The following EYA3 variants were observed in gnomAD, a reference collection of about 807,000 sequenced individuals.
EYA3 encodes the protein EYA transcriptional coactivator and phosphatase 3.
EYA3 carries 39 observed loss-of-function variants against 80.0 expected under a neutral mutation model. The observed-to-expected ratio is 0.49, with a 90% CI of 0.38 to 0.64. EYA3 has a LOEUF of 0.64. Ranked by LOEUF, EYA3 falls within the 30% of genes least tolerant of loss-of-function variation. The pLI is 0.00. For synonymous variants in EYA3, 206 were observed against 232.8 expected, an observed-to-expected ratio of 0.88 and a Z score of 1.05; for missense variants, 523 against 676.1, an observed-to-expected ratio of 0.77 and a Z score of 2.51.
At position 28,064,378 on chromosome 1, in the gene EYA3, C is replaced by CTCTA. The variant is rs1374429013; in HGVS notation, c.-68-6285_-68-6284insTAGA. Among the ~76,000 whole-genome samples the CTCTA allele has an allele frequency of 1.5e-3, 199 of 136,350 alleles. 3 individuals are homozygous for CTCTA. Among genetic ancestry groups the CTCTA allele is most frequent in the African/African-American group, 5.3e-3 (183 of 34,784 alleles). The allele number at this position is 136,350 out of a possible 152,430, so 89.5% of individuals were successfully genotyped here. On this transcript the variant is annotated intron_variant, in intron 1 of 17. Transcript: ENST00000373871. ...AGCCATCCTCTCTCTCTCTCTCTCT[C>CTCTA]TATATATATATATATAAATATATAG...
chr1:28,037,857 G>A (rs1643539837), intron 5 of EYA3, among the ~76,000 whole-genome samples: 1 of 152,154 alleles, frequency 6.6e-6, no homozygotes, highest in Non-Finnish European at 1.5e-5. Context: ...TCTTGCTTTT[G>A]TTACCAATTT....
At chr1:28,003,391 C>A (rs1204411943) in intron 11 of EYA3, among the ~76,000 whole-genome samples, 1 of 152,108 alleles carries the variant, frequency 6.6e-6, no homozygotes, top group South Asian at 2.1e-4. Flanking sequence ...ATCATTTGAA[C>A]CCGAGAGGCA....
At chr1:27,994,912 A>G (rs1447633800) in intron 13 of EYA3, among the ~76,000 whole-genome samples, 1 of 151,536 alleles carries the variant, frequency 6.6e-6, no homozygotes, top group Non-Finnish European at 1.5e-5. Context: ...ATTGGGAACT[A>G]TGATTGCACC....
At chr1:27,999,710 G>C (rs1202824959) in intron 12 of EYA3, among the ~76,000 whole-genome samples, 2 of 152,090 alleles carry the variant, frequency 1.3e-5, no homozygotes, top group East Asian at 1.9e-4. Context: ...CCTAGTGCTA[G>C]ATCACCTCCA....
chr1:28,081,313 T>C (rs1645420879), intron 1 of EYA3, among the ~76,000 whole-genome samples: 1 of 152,202 alleles, frequency 6.6e-6, no homozygotes, highest in Non-Finnish European at 1.5e-5. Flanking sequence ...CTCTCAAGAA[T>C]ATTATTCATT....
intron 16 of EYA3, among the ~76,000 whole-genome samples, chr1:27,981,339 G>A (rs1427199917): frequency 1.3e-5 from 2 of 152,036 alleles, no homozygotes; most frequent in Non-Finnish European, 2.9e-5. Flanking sequence ...ACTGACAGAG[G>A]GAATGAGATC....
chr1:28,084,576 TATATATATATATATATA>T (rs1645557437), intron 1 of EYA3, among the ~76,000 whole-genome samples: 13 of 13,456 alleles, frequency 9.7e-4, no homozygotes, highest in Non-Finnish European at 2.2e-3. Flanking sequence ...TATATATATA[TATATATATATATATATA>T]TATTTTTTTT....
chr1:28,003,800 T>C (rs534917493), intron 11 of EYA3, among the ~76,000 whole-genome samples: 1 of 152,318 alleles, frequency 6.6e-6, no homozygotes, highest in East Asian at 1.9e-4. Context: ...CCTAATAGTC[T>C]CAAAACAGCC....
intron 10 of EYA3, among the ~76,000 whole-genome samples, chr1:28,006,439 G>C (rs1031021303): frequency 1.1e-4 from 16 of 152,286 alleles, no homozygotes; most frequent in Non-Finnish European, 2.4e-4. Flanking sequence ...GGGCGCGGTG[G>C]CTCACGCCTG....
chr1:28,055,493 G>A (rs1644406024), intron 2 of EYA3, among the ~76,000 whole-genome samples: 1 of 127,462 alleles, frequency 7.8e-6, no homozygotes, highest in Admixed American at 8.6e-5. Flanking sequence ...TTGAGACAGA[G>A]TCTCACCCAC....
At chr1:27,988,791 C>A in intron 15 of EYA3, 135 bp from the exon 16 acceptor site, 1 of 874,414 alleles carries the variant, frequency 1.1e-6, no homozygotes, top group Non-Finnish European at 1.7e-6. Context: ...TGTTCAGAGC[C>A]AATGTTCAGC....
chr1:27,990,201 C>A (rs1294606651), intron 14 of EYA3: 1 of 163,438 alleles, frequency 6.1e-6, no homozygotes, highest in South Asian at 1.6e-4. Context: ...ACAGGGATGT[C>A]GAGGAACAGG....
In EYA3 at chr1:28,053,072, T is replaced by C. The variant is rs1261374686; in HGVS notation, c.34-4646A>G. Among the ~76,000 whole-genome samples the C allele has an allele frequency of 1.3e-5, 2 of 148,834 alleles. 1 individual carries two copies. The highest frequency in any genetic ancestry group is 3.0e-5 in the Non-Finnish European group (2 of 67,724). ...AGGAGGGTGAGATGGGAGGATTGTT[T>C]GAGCCCAGGAGTTCAAGGATGCAGT... is the stretch of plus-strand genomic sequence containing the variant. On this transcript the variant is annotated intron_variant, in intron 2 of 17. Transcript: ENST00000373871.
intron 8 of EYA3, among the ~76,000 whole-genome samples, chr1:28,014,697 C>T (rs1641925737): frequency 6.6e-6 from 1 of 150,744 alleles, no homozygotes; most frequent in Admixed American, 6.6e-5. Flanking sequence ...CACTGCATTC[C>T]AGACTGGGCA....
chr1:27,982,493 G>C (rs1390132310), intron 16 of EYA3, among the ~76,000 whole-genome samples: 1 of 149,750 alleles, frequency 6.7e-6, no homozygotes, highest in Non-Finnish European at 1.5e-5. Flanking sequence ...AGACATTACA[G>C]AACAAAACTT....
At chr1:28,059,869 C>T (rs976202879) in intron 1 of EYA3, among the ~76,000 whole-genome samples, 4 of 152,000 alleles carry the variant, frequency 2.6e-5, no homozygotes, top group Admixed American at 6.6e-5. Context: ...TACAGGCGCG[C>T]CACCATGCCT....
chr1:28,023,867 CTG>C (rs1642607368), intron 7 of EYA3, among the ~76,000 whole-genome samples: 1 of 152,160 alleles, frequency 6.6e-6, no homozygotes, highest in South Asian at 2.1e-4. Flanking sequence ...TAATGGGAAA[CTG>C]TGCAGGAGGA....
intron 1 of EYA3, among the ~76,000 whole-genome samples, chr1:28,064,453 C>T (rs1571933859): frequency 1.4e-5 from 2 of 141,588 alleles, no homozygotes; most frequent in Non-Finnish European, 3.1e-5. Context: ...AAGAAGTGAA[C>T]AAAGGTTTAC....
chr1:28,000,195 C>G, intron 11 of EYA3, 146 bp from the exon 12 acceptor site: 1 of 507,974 alleles, frequency 2.0e-6, no homozygotes, highest in South Asian at 3.7e-5. Context: ...ATTTCATTCA[C>G]AGTTATGAGA....
Sources: gnomAD v4.1 joint callset for allele counts (sites outside exome capture counted in the v4.1 genomes callset) on GRCh38, gnomAD v4.1.1 for gene constraint, MANE v1.5 for transcripts, NCBI Gene and HGNC (gene_info 2026-07-23, HGNC 2026-07-21) for gene names.